Variants in TRHDE observed in about 807,000 individuals in gnomAD.
TRHDE encodes thyrotropin releasing hormone degrading enzyme, also known as thyrotropin-releasing hormone-degrading ectoenzyme.
A neutral mutation model predicts 125.7 loss-of-function variants in TRHDE; 72 were observed. The observed-to-expected ratio is 0.57, with a 90% confidence interval of 0.47 to 0.70. The LOEUF is 0.70. TRHDE is among the 30% of genes least tolerant of loss of function. TRHDE has a pLI of 0.00. For missense variants in TRHDE, 1,110 were observed against 1,327.1 expected, an observed-to-expected ratio of 0.84 and a Z score of 2.54; for synonymous variants, 509 against 509.1, an observed-to-expected ratio of 1.00 and a Z score of 0.00.
At chr12:72,514,014 G>A (rs891086767) in intron 6 of TRHDE, among the ~76,000 whole-genome samples, 1 of 152,082 alleles carries the variant, frequency 6.6e-6, no homozygotes. Context: ...CCTTTGACTG[G>A]CATCGGATCT....
intron 2 of TRHDE, among the ~76,000 whole-genome samples, chr12:72,249,950 T>C (rs1878645599): frequency 6.6e-6 from 1 of 152,268 alleles, no homozygotes; most frequent in African/African-American, 2.4e-5. Context: ...ATATAACTTA[T>C]ATAACAAAAG....
intron 12 of TRHDE, among the ~76,000 whole-genome samples, chr12:72,588,008 A>T (rs996454208): frequency 1.3e-5 from 2 of 152,188 alleles, no homozygotes; most frequent in African/African-American, 4.8e-5. Flanking sequence ...GTATATCCAC[A>T]ATATTAAATG....
At chr12:72,211,968 T>G (rs1366537073) in intron 2 of TRHDE, among the ~76,000 whole-genome samples, 1 of 152,146 alleles carries the variant, frequency 6.6e-6, no homozygotes, top group Admixed American at 6.5e-5. Context: ...AAAACCTGTC[T>G]ACACAACTAT....
chr12:72,288,016 G>T (rs1297573626), intron 2 of TRHDE, among the ~76,000 whole-genome samples: 2 of 151,512 alleles, frequency 1.3e-5, no homozygotes, highest in African/African-American at 4.8e-5. Flanking sequence ...CTTGTCCAGG[G>T]GCTAAACGTA....
chr12:72,507,854 C>T (rs1473630444), intron 6 of TRHDE, among the ~76,000 whole-genome samples: 1 of 152,182 alleles, frequency 6.6e-6, no homozygotes, highest in African/African-American at 2.4e-5. Flanking sequence ...TGGGCCATGC[C>T]CATAGCCCTG....
chr12:72,282,325 C>T (rs1401384055), intron 1 of TRHDE, among the ~76,000 whole-genome samples: 1 of 151,596 alleles, frequency 6.6e-6, no homozygotes, highest in Non-Finnish European at 1.5e-5. Flanking sequence ...TTCTGCTTAC[C>T]ACCTCAAACT....
intron 12 of TRHDE, among the ~76,000 whole-genome samples, chr12:72,593,422 T>A (rs1157538267): frequency 2.0e-5 from 3 of 152,208 alleles, no homozygotes; most frequent in African/African-American, 7.2e-5. Flanking sequence ...ATGGCAGTTT[T>A]TTCAGAGAAA....
chr12:72,269,548 A>G (rs1181340276), upstream of TRHDE, among the ~76,000 whole-genome samples: 1 of 152,204 alleles, frequency 6.6e-6, no homozygotes, highest in Non-Finnish European at 1.5e-5. Context: ...AGTGAAATAC[A>G]AAGAAGAACA....
intron 3 of TRHDE, among the ~76,000 whole-genome samples, chr12:72,456,507 A>G (rs1021088286): frequency 4.6e-5 from 7 of 152,144 alleles, no homozygotes; most frequent in Admixed American, 1.3e-4. Flanking sequence ...ACAAATAATG[A>G]GGAAGGTTAT....
Position 72,594,169 on chromosome 12 carries a change from C to T in TRHDE, c.2321+18627C>T, listed in dbSNP as rs111485012. On this transcript the variant is annotated intron_variant, in intron 12 of 18. Coordinates refer to ENST00000261180, the MANE Select transcript of TRHDE (RefSeq NM_013381.3). Reference sequence around the variant, plus strand: ...CATTCCTATTTCTCCACATCCTCTCCAGCACCTGTTGTTTCCTGACTTTAA... The same window carrying T: ...CATTCCTATTTCTCCACATCCTCTCTAGCACCTGTTGTTTCCTGACTTTAA... Among the ~76,000 whole-genome samples, 493 of 152,236 alleles carry T rather than the reference C, an allele frequency of 3.2e-3. 1 individual carries two copies. The highest frequency in any genetic ancestry group is 5.6e-3 in the Non-Finnish European group (384 of 68,016).
chr12:72,362,388 TTG>T (rs1871138078), intron 2 of TRHDE, among the ~76,000 whole-genome samples: 3 of 150,428 alleles, frequency 2.0e-5, no homozygotes, highest in African/African-American at 7.3e-5. Context: ...TTCATGTCCT[TTG>T]CCCACTTTTT....
At chr12:72,117,543 T>C (rs573562902) in intron 2 of TRHDE, among the ~76,000 whole-genome samples, 2 of 152,298 alleles carry the variant, frequency 1.3e-5, no homozygotes, top group Admixed American at 1.3e-4. Context: ...TTGTTCAGGA[T>C]AGCTTGGTCT....
At chr12:72,175,320 G>C (rs1787259128) in intron 2 of TRHDE, among the ~76,000 whole-genome samples, 1 of 152,174 alleles carries the variant, frequency 6.6e-6, no homozygotes, top group Admixed American at 6.5e-5. Context: ...GTCCTACACT[G>C]CAGGATTTCT....
chr12:72,147,653 A>G (rs1026027233), intron 2 of TRHDE: 8 of 152,340 alleles, frequency 5.3e-5, no homozygotes, highest in African/African-American at 1.7e-4. Context: ...AAAGAAAACA[A>G]TAAATAAAAC....
intron 2 of TRHDE, among the ~76,000 whole-genome samples, chr12:72,128,021 A>AT (rs1250701450): frequency 6.6e-6 from 1 of 152,082 alleles, no homozygotes; most frequent in East Asian, 1.9e-4. Context: ...TGCAAAAAAA[A>AT]CAGAACCCTG....
chr12:72,638,405 C>T (rs556214090), intron 15 of TRHDE, among the ~76,000 whole-genome samples: 56 of 152,094 alleles, frequency 3.7e-4, no homozygotes, highest in East Asian at 3.3e-3. Flanking sequence ...TGTCTCTGCA[C>T]GTGAGATGGG....
At chr12:72,404,550 A>C (rs1409766137) in intron 3 of TRHDE, among the ~76,000 whole-genome samples, 1 of 152,224 alleles carries the variant, frequency 6.6e-6, no homozygotes, top group Admixed American at 6.5e-5. Context: ...GAGGCCTCAC[A>C]ATCATGGCAG....
intron 12 of TRHDE, among the ~76,000 whole-genome samples, chr12:72,604,140 A>T (rs1273745704): frequency 6.6e-6 from 1 of 152,216 alleles, no homozygotes; most frequent in African/African-American, 2.4e-5. Flanking sequence ...CAGAGAGGAT[A>T]AAAAACAGGT....
intron 2 of TRHDE, among the ~76,000 whole-genome samples, chr12:72,368,771 C>T (rs1264185020): frequency 2.0e-5 from 3 of 152,132 alleles, no homozygotes; most frequent in Admixed American, 6.5e-5. Flanking sequence ...TTCTAAATTG[C>T]ACAGCTATGA....
Sources: allele counts gnomAD v4.1 joint callset (sites outside exome capture counted in the v4.1 genomes callset), GRCh38; gene constraint gnomAD v4.1.1; transcripts MANE v1.5; gene names NCBI Gene and HGNC (gene_info 2026-07-23, HGNC 2026-07-21).